Variants in PDE4D observed in about 807,000 individuals in gnomAD.
PDE4D encodes the protein phosphodiesterase 4D.
A neutral mutation model predicts 87.4 loss-of-function variants in PDE4D; 24 were observed. The ratio of observed to expected loss-of-function variants is 0.27; its 90% CI spans 0.20 to 0.39. The LOEUF is 0.39. PDE4D is among the 10% of genes least tolerant of loss of function. The pLI is 1.00. For missense variants in PDE4D, 714 were observed against 1,041.0 expected, an observed-to-expected ratio of 0.69 and a Z score of 4.32; for synonymous variants, 384 against 383.2, an observed-to-expected ratio of 1.00 and a Z score of -0.02.
In PDE4D at chr5:59,425,621, G is replaced by C. The variant is rs567377877; in HGVS notation, c.456-209653C>G. 2.0e-5 allele frequency among the ~76,000 whole-genome samples: 3 copies of C among 152,230 alleles called. No homozygotes were observed. The East Asian group carries it at 5.8e-4, about 29-fold the overall frequency. The stretch of plus-strand genomic sequence containing the variant: ...TATAAAAAAGCAAATGTTAGTCTAG[G>C]CCACGTTTGAATGATTATAGAGTTC... On this transcript the variant is annotated intron_variant, in intron 1 of 14. Transcript: ENST00000340635.
At chr5:59,668,589 G>T (rs1264239306) in intron 1 of PDE4D, among the ~76,000 whole-genome samples, 1 of 151,680 alleles carries the variant, frequency 6.6e-6, no homozygotes. Context: ...CATGCCTGTA[G>T]TCCCAGCTAC....
At chr5:59,190,939 G>A (rs929592514) in intron 3 of PDE4D, among the ~76,000 whole-genome samples, 1 of 151,960 alleles carries the variant, frequency 6.6e-6, no homozygotes, top group African/African-American at 2.4e-5. Flanking sequence ...AAAAAAAATC[G>A]GCAGCCTCTC....
At chr5:59,495,557 C>G (rs1472758352) in intron 1 of PDE4D, among the ~76,000 whole-genome samples, 1 of 152,090 alleles carries the variant, frequency 6.6e-6, no homozygotes, top group Non-Finnish European at 1.5e-5. Flanking sequence ...AAGTGGACAC[C>G]TTCTGAGCAG....
rs191479556 is a variant in PDE4D at position 59,817,869 on chromosome 5, C to T, written c.455+75299G>A. On this transcript the variant is annotated intron_variant, in intron 1 of 14. Transcript: ENST00000340635. Reference sequence around the variant, plus strand: ...TGGCACACTGATCTCAAGCTTCCAGCCTCCAGAACTGTGAGAAAATAAATG... The same window carrying T: ...TGGCACACTGATCTCAAGCTTCCAGTCTCCAGAACTGTGAGAAAATAAATG... 1.4e-4 allele frequency among the ~76,000 whole-genome samples: 22 copies of T among 152,284 alleles called. No homozygotes were observed. In the East Asian group the frequency reaches 3.9e-3, roughly 27 times the overall value.
chr5:59,542,869 G>C (rs763298228), intron 1 of PDE4D, among the ~76,000 whole-genome samples: 3 of 152,154 alleles, frequency 2.0e-5, no homozygotes, highest in Non-Finnish European at 4.4e-5. Context: ...TCAGGCCTCA[G>C]AGATGAAATG....
intron 2 of PDE4D, among the ~76,000 whole-genome samples, chr5:60,120,216 A>G (rs1436955362): frequency 6.6e-6 from 1 of 152,214 alleles, no homozygotes; most frequent in African/African-American, 2.4e-5. Context: ...GAACAAATTC[A>G]TGTTTTCAAG....
At chr5:59,880,377 G>A (rs1401127372) in intron 1 of PDE4D, among the ~76,000 whole-genome samples, 3 of 151,988 alleles carry the variant, frequency 2.0e-5, no homozygotes, top group Non-Finnish European at 2.9e-5. Flanking sequence ...CCTAAAGTAC[G>A]GCGATTACAG....
chr5:59,065,401 G>A (rs932123587), intron 5 of PDE4D, among the ~76,000 whole-genome samples: 1 of 152,096 alleles, frequency 6.6e-6, no homozygotes, highest in African/African-American at 2.4e-5. Flanking sequence ...CTGGAAAGCT[G>A]CTGTATAACA....
chr5:59,836,303 C>T (rs1161510767), intron 1 of PDE4D, among the ~76,000 whole-genome samples: 1 of 151,882 alleles, frequency 6.6e-6, no homozygotes, highest in African/African-American at 2.4e-5. Context: ...TTATTATTTT[C>T]CTAACTTATC....
chr5:60,177,760 T>C (rs1042041815), intron 2 of PDE4D, among the ~76,000 whole-genome samples: 1 of 152,198 alleles, frequency 6.6e-6, no homozygotes, highest in Non-Finnish European at 1.5e-5. Context: ...TTATTTAATC[T>C]ACTCCTCTCA....
At chr5:59,359,566 C>T (rs1781887405) in intron 1 of PDE4D, among the ~76,000 whole-genome samples, 1 of 151,818 alleles carries the variant, frequency 6.6e-6, no homozygotes, top group African/African-American at 2.4e-5. Flanking sequence ...GAAGAACTGG[C>T]TAATATTTCA....
At position 59,677,209 on chromosome 5, in the gene PDE4D, C is replaced by T. The variant is rs1446590280; in HGVS notation, c.455+215959G>A. Among the ~76,000 whole-genome samples the T allele has an allele frequency of 2.0e-5, 3 of 151,800 alleles. No homozygotes were observed. In the East Asian group the frequency reaches 5.8e-4, roughly 29 times the overall value. On this transcript the variant is annotated intron_variant, in intron 1 of 14. Coordinates refer to ENST00000340635, the MANE Select transcript of PDE4D (RefSeq NM_001104631.2). ...AAATGTAGGCATTATAATTCTAAGACATATGTACAGAAAGGCAAATGCTGG... is the reference window on the plus strand; with the variant it reads ...AAATGTAGGCATTATAATTCTAAGATATATGTACAGAAAGGCAAATGCTGG...
chr5:59,181,724 C>T (rs1383240925), intron 4 of PDE4D, among the ~76,000 whole-genome samples: 1 of 151,796 alleles, frequency 6.6e-6, no homozygotes, highest in Non-Finnish European at 1.5e-5. Flanking sequence ...TTTCATTGTT[C>T]TCATTTTACC....
chr5:59,678,182 TA>T (rs1192984975), intron 1 of PDE4D, among the ~76,000 whole-genome samples: 2 of 152,218 alleles, frequency 1.3e-5, no homozygotes, highest in African/African-American at 2.4e-5. Flanking sequence ...TGAGCAATGT[TA>T]AATCAAATTC....
chr5:59,030,968 AC>A (rs1018542408), intron 6 of PDE4D, among the ~76,000 whole-genome samples: 1 of 152,088 alleles, frequency 6.6e-6, no homozygotes. Context: ...CCCAGCATCC[AC>A]TAGCCATTCT....
intron 1 of PDE4D, among the ~76,000 whole-genome samples, chr5:60,265,541 C>T (rs965306545): frequency 6.6e-6 from 1 of 152,150 alleles, no homozygotes; most frequent in Non-Finnish European, 1.5e-5. Context: ...TCTCTTGGAA[C>T]CTTAATTCCA....
intron 1 of PDE4D, among the ~76,000 whole-genome samples, chr5:60,476,770 C>G (rs887661118): frequency 3.3e-5 from 5 of 152,170 alleles, no homozygotes; most frequent in Non-Finnish European, 5.9e-5. Context: ...GAAGCCTTCC[C>G]TCAACACTAA....
intron 6 of PDE4D, among the ~76,000 whole-genome samples, chr5:59,015,608 A>G (rs1419201455): frequency 1.1e-4 from 16 of 152,098 alleles, no homozygotes; most frequent in South Asian, 2.1e-4. Flanking sequence ...GGCAATCATT[A>G]AAAAGTCAGG....
chr5:59,755,964 GA>G, intron 1 of PDE4D, among the ~76,000 whole-genome samples: 2 of 151,328 alleles, frequency 1.3e-5, no homozygotes, highest in South Asian at 4.2e-4. Flanking sequence ...GGGTAATGGG[GA>G]AAAATTGGTC....
Sources: gnomAD v4.1 joint callset for allele counts (sites outside exome capture counted in the v4.1 genomes callset) on GRCh38, gnomAD v4.1.1 for gene constraint, MANE v1.5 for transcripts, NCBI Gene and HGNC (gene_info 2026-07-23, HGNC 2026-07-21) for gene names.